The following TANGO6 variants were observed in gnomAD, a reference collection of about 807,000 sequenced individuals.
TANGO6 encodes transport and golgi organization 6 homolog.
A neutral mutation model predicts 114.2 loss-of-function variants in TANGO6; 90 were observed. The observed-to-expected ratio is 0.79, with a 90% CI of 0.66 to 0.94. The LOEUF is 0.94. Ranked by LOEUF, TANGO6 falls within the 40% of genes least tolerant of loss-of-function variation. TANGO6 has a pLI of 0.00. For missense variants in TANGO6, 1,274 were observed against 1,315.3 expected (o/e 0.97, Z 0.49); for synonymous variants, 477 against 509.8 (o/e 0.94, Z 0.87).
At chr16:68,848,102 C>G (rs1053771483) in intron 1 of TANGO6, among the ~76,000 whole-genome samples, 3 of 151,636 alleles carry the variant, frequency 2.0e-5, no homozygotes, top group African/African-American at 7.3e-5. Context: ...TTCTCTCTCT[C>G]TCTTTTAAAT....
At chr16:69,003,829 C>A (rs1397023713) in intron 15 of TANGO6, among the ~76,000 whole-genome samples, 1 of 152,002 alleles carries the variant, frequency 6.6e-6, no homozygotes, top group African/African-American at 2.4e-5. Flanking sequence ...CATACAAGAT[C>A]CTTTCTCACA....
At chr16:69,056,854 G>T (rs937856730) in intron 17 of TANGO6, among the ~76,000 whole-genome samples, 1 of 151,948 alleles carries the variant, frequency 6.6e-6, no homozygotes, top group Admixed American at 6.6e-5. Context: ...TAATTTTTTT[G>T]TATTTTTTGT....
rs1567569766 is a variant in TANGO6 at position 69,067,524 on chromosome 16, A to AAAAAAAAAAAC, written c.3109-15951_3109-15950insCAAAAAAAAAA. On this transcript the variant is annotated intron_variant, in intron 17 of 17. Transcript: ENST00000261778. ...CAAGAGCAAAACTCCATCTCAAAAA[A>AAAAAAAAAAAC]AAAAAAAAAAAAACGCTGGGCGCCG... Among the ~76,000 whole-genome samples, 8 of 143,866 alleles carry AAAAAAAAAAAC rather than the reference A, an allele frequency of 5.6e-5. 1 individual carries two copies. The highest frequency in any genetic ancestry group is 2.1e-4 in the African/African-American group (8 of 38,890). The allele number at this position is 143,866 out of a possible 152,430, so 94.4% of individuals were successfully genotyped here.
intron 14 of TANGO6, among the ~76,000 whole-genome samples, chr16:68,930,695 G>C (rs974757278): frequency 3.3e-5 from 5 of 150,492 alleles, no homozygotes; most frequent in East Asian, 1.9e-4. Context: ...GAGTGCGGTG[G>C]TGTGATCTCA....
At chr16:69,002,702 T>C (rs1964054923) in intron 15 of TANGO6, among the ~76,000 whole-genome samples, 1 of 152,082 alleles carries the variant, frequency 6.6e-6, no homozygotes, top group African/African-American at 2.4e-5. Flanking sequence ...ACGTTGGGTA[T>C]CTGTTTTTAA....
intron 14 of TANGO6, among the ~76,000 whole-genome samples, chr16:68,962,899 A>T (rs1354360797): frequency 6.6e-6 from 1 of 150,920 alleles, no homozygotes; most frequent in African/African-American, 2.4e-5. Flanking sequence ...TGTGGCTAAC[A>T]TGGTGAAACC....
chr16:68,881,820 A>T (rs1049812855), intron 7 of TANGO6, among the ~76,000 whole-genome samples: 4 of 152,178 alleles, frequency 2.6e-5, no homozygotes, highest in African/African-American at 9.7e-5. Flanking sequence ...TCATTGTGTT[A>T]TGGCTAGATG....
chr16:68,844,418 C>G (rs970161986), intron 1 of TANGO6, among the ~76,000 whole-genome samples: 1 of 152,022 alleles, frequency 6.6e-6, no homozygotes, highest in Non-Finnish European at 1.5e-5. Flanking sequence ...CAGAATCAGA[C>G]AAATTGTTCA....
chr16:69,056,949 G>T (rs574153847), intron 17 of TANGO6, among the ~76,000 whole-genome samples: 48 of 151,488 alleles, frequency 3.2e-4, no homozygotes, highest in African/African-American at 1.1e-3. Context: ...CAAAGTGCTG[G>T]GATTACAGGC....
chr16:68,915,087 T>C (rs141660497), intron 11 of TANGO6, among the ~76,000 whole-genome samples: 73 of 149,776 alleles, frequency 4.9e-4, no homozygotes, highest in African/African-American at 1.8e-3. Context: ...GGCAGGAGTA[T>C]TGCTTGAACC....
intron 15 of TANGO6, among the ~76,000 whole-genome samples, chr16:69,008,190 T>C (rs947067614): frequency 6.6e-6 from 1 of 152,050 alleles, no homozygotes; most frequent in Admixed American, 6.6e-5. Context: ...GAGCAGAAAA[T>C]CGAGAGAGTT....
At chr16:68,921,145 T>A (rs1963087032) in intron 12 of TANGO6, among the ~76,000 whole-genome samples, 2 of 147,400 alleles carry the variant, frequency 1.4e-5, no homozygotes, top group Non-Finnish European at 1.5e-5. Flanking sequence ...AAAAGAACTA[T>A]CAAGGAAAGT....
At chr16:68,894,003 T>A (rs913233716) in intron 7 of TANGO6, among the ~76,000 whole-genome samples, 1 of 152,184 alleles carries the variant, frequency 6.6e-6, no homozygotes, top group East Asian at 1.9e-4. Context: ...TTGTCTGTTG[T>A]GCCTTCGCTG....
intron 7 of TANGO6, among the ~76,000 whole-genome samples, chr16:68,894,956 T>C (rs1308339151): frequency 2.0e-5 from 3 of 152,166 alleles, no homozygotes; most frequent in Non-Finnish European, 4.4e-5. Context: ...GGATTTTGTC[T>C]CAGACAGATC....
intron 1 of TANGO6, among the ~76,000 whole-genome samples, chr16:68,858,681 C>T (rs1343353439): frequency 1.1e-4 from 17 of 151,984 alleles, no homozygotes; most frequent in Admixed American, 1.1e-3. Context: ...CGGGCTCTCC[C>T]TACATTGCCC....
At chr16:68,997,958 A>G (rs1032349795) in intron 15 of TANGO6, among the ~76,000 whole-genome samples, 27 of 152,202 alleles carry the variant, frequency 1.8e-4, no homozygotes, top group African/African-American at 6.5e-4. Context: ...CTCAATGAGA[A>G]AGTGTTGGTA....
chr16:68,858,016 A>G lies in TANGO6; in HGVS notation c.95-1868A>G, dbSNP rs551027609. Among the ~76,000 whole-genome samples, 7 of 152,034 alleles carry G rather than the reference A, an allele frequency of 4.6e-5. No homozygotes were observed. The South Asian group carries it at 1.5e-3, about 32-fold the overall frequency. On this transcript the variant is annotated intron_variant, in intron 1 of 17. Coordinates refer to ENST00000261778, the MANE Select transcript of TANGO6 (RefSeq NM_024562.2). ...AACCTTGATGTTATTTCTTCCTTAA[A>G]TGATTCATCAGTGAAACCATCTAGG...
chr16:68,920,304 G>A (rs561151708), intron 12 of TANGO6, among the ~76,000 whole-genome samples: 4 of 152,268 alleles, frequency 2.6e-5, no homozygotes, highest in South Asian at 4.1e-4. Flanking sequence ...AAGTGTAAGC[G>A]TAAGCTAAGA....
intron 15 of TANGO6, among the ~76,000 whole-genome samples, chr16:69,008,905 A>G (rs960971859): frequency 1.4e-4 from 21 of 151,908 alleles, no homozygotes; most frequent in African/African-American, 5.1e-4. Flanking sequence ...AGTCTCCCAA[A>G]TGCCGGGATT....
Sources: allele counts gnomAD v4.1 joint callset (sites outside exome capture counted in the v4.1 genomes callset), GRCh38; gene constraint gnomAD v4.1.1; transcripts MANE v1.5; gene names NCBI Gene and HGNC (gene_info 2026-07-23, HGNC 2026-07-21).